Variants in ARL15 observed in about 807,000 individuals in gnomAD.
The protein encoded by ARL15 is ARF like GTPase 15, also known as ADP-ribosylation factor-like protein 15.
ARL15 carries 19 observed loss-of-function variants against 25.2 expected under a neutral mutation model. The observed-to-expected ratio is 0.75, with a 90% CI of 0.53 to 1.10. The LOEUF (loss-of-function observed/expected upper bound fraction) is 1.10. ARL15 is among the 50% of genes least tolerant of loss of function. The pLI, the probability that ARL15 is intolerant of heterozygous loss-of-function variation, is 0.00. For synonymous variants in ARL15, 94 were observed against 86.8 expected (o/e 1.08, Z -0.46); for missense variants, 220 against 246.0 (o/e 0.89, Z 0.71).
chr5:53,899,963 A>C (rs1745011383), intron 4 of ARL15, among the ~76,000 whole-genome samples: 1 of 152,180 alleles, frequency 6.6e-6, no homozygotes, highest in Non-Finnish European at 1.5e-5. Flanking sequence ...AACCACTTCT[A>C]GTACCAAATT....
chr5:54,045,644 G>A (rs903746426), intron 4 of ARL15, among the ~76,000 whole-genome samples: 1 of 151,840 alleles, frequency 6.6e-6, no homozygotes, highest in South Asian at 2.1e-4. Flanking sequence ...ATTTTTGGCT[G>A]TCTAATCTTT....
At chr5:54,242,743 G>C (rs945811031) in intron 1 of ARL15, among the ~76,000 whole-genome samples, 2 of 152,086 alleles carry the variant, frequency 1.3e-5, no homozygotes, top group Non-Finnish European at 2.9e-5. Flanking sequence ...GAATGATGTC[G>C]CTCGTGCCTC....
rs146439054 is a variant in ARL15 at position 54,093,313 on chromosome 5, T to C, written c.462+19889A>G. Reference sequence around the variant, plus strand: ...ATTGAGCCAAATGCCTAGGCCAGGGTGTTCTCTGGATCCTGCTGGGGTCAC... The same window carrying C: ...ATTGAGCCAAATGCCTAGGCCAGGGCGTTCTCTGGATCCTGCTGGGGTCAC... On this transcript the variant is annotated intron_variant, in intron 4 of 4. Transcript: ENST00000504924. 7.7e-3 allele frequency among the ~76,000 whole-genome samples: 1,170 copies of C among 152,224 alleles called. 14 individuals are homozygous for C. Among genetic ancestry groups the C allele is most frequent in the African/African-American group, 0.027 (1,119 of 41,536 alleles).
chr5:54,304,712 T>A (rs1561302356), intron 1 of ARL15, among the ~76,000 whole-genome samples: 1 of 152,238 alleles, frequency 6.6e-6, no homozygotes, highest in Non-Finnish European at 1.5e-5. Context: ...AAGAAAGGAA[T>A]ATTTAATATG....
chr5:54,130,039 G>C (rs1219265530), intron 3 of ARL15, among the ~76,000 whole-genome samples: 1 of 152,126 alleles, frequency 6.6e-6, no homozygotes, highest in Non-Finnish European at 1.5e-5. Context: ...AGGAGTCCAA[G>C]ACCAGCCTGG....
At chr5:54,011,782 G>A (rs1007587530) in intron 4 of ARL15, among the ~76,000 whole-genome samples, 21 of 152,216 alleles carry the variant, frequency 1.4e-4, no homozygotes, top group Non-Finnish European at 2.6e-4. Flanking sequence ...AAACCGAGGC[G>A]GGCGGATCTC....
chr5:54,161,616 TAG>T (rs1400759682), intron 2 of ARL15, among the ~76,000 whole-genome samples: 2 of 152,218 alleles, frequency 1.3e-5, no homozygotes, highest in Admixed American at 1.3e-4. Context: ...TATCTCTTTA[TAG>T]ACTTGGCACA....
intron 4 of ARL15, among the ~76,000 whole-genome samples, chr5:54,052,414 G>A (rs1320301981): frequency 6.6e-6 from 1 of 152,124 alleles, no homozygotes; most frequent in Non-Finnish European, 1.5e-5. Context: ...GCAGAACTAA[G>A]TAACTCTTGA....
intron 1 of ARL15, among the ~76,000 whole-genome samples, chr5:54,233,938 T>A: frequency 6.6e-6 from 1 of 152,170 alleles, no homozygotes; most frequent in Non-Finnish European, 1.5e-5. Flanking sequence ...CTCACTAATT[T>A]TTGTTTTGGA....
intron 4 of ARL15, among the ~76,000 whole-genome samples, chr5:54,067,765 GTGAA>G (rs1440439711): frequency 6.6e-6 from 1 of 152,138 alleles, no homozygotes; most frequent in East Asian, 1.9e-4. Flanking sequence ...TAAATGTTAG[GTGAA>G]TGAATGAACA....
chr5:54,113,297 G>T lies in ARL15; in HGVS notation c.367C>A (p.Leu123Met), dbSNP rs1351922168. 4 of 1,613,962 alleles carry T rather than the reference G, an allele frequency of 2.5e-6. No individual in the cohort carries two copies. Among genetic ancestry groups the T allele is most frequent in the Non-Finnish European group, 3.4e-6 (4 of 1,179,876 alleles). Residue 123 changes from leucine (L) to methionine (M), a missense_variant, in exon 4 of 5, where the codon CTG (leucine) becomes ATG (methionine). Coordinates refer to ENST00000504924, the MANE Select transcript of ARL15 (RefSeq NM_019087.3). ...TGTGGATGCTGAAGAGCTGAGTGCA[G>T]CTCATTTCTAGCAGCTTCTAAATCA... ...EDDLEAARNE[L>M]HSALQHPQLC...
At chr5:54,193,057 C>G (rs117134463) in intron 1 of ARL15, among the ~76,000 whole-genome samples, 1 of 152,184 alleles carries the variant, frequency 6.6e-6, no homozygotes, top group Non-Finnish European at 1.5e-5. Context: ...TCTGCTTCAA[C>G]GTCCTGCTCT....
At chr5:53,982,022 C>T (rs960798612) in intron 4 of ARL15, among the ~76,000 whole-genome samples, 1 of 152,008 alleles carries the variant, frequency 6.6e-6, no homozygotes, top group Non-Finnish European at 1.5e-5. Context: ...GTTTCAAGAG[C>T]GGAATCTTGG....
chr5:53,971,688 A>G (rs1580129877), intron 4 of ARL15, among the ~76,000 whole-genome samples: 1 of 152,298 alleles, frequency 6.6e-6, no homozygotes, highest in South Asian at 2.1e-4. Context: ...CACATCCTAA[A>G]CAACATGCTC....
chr5:53,954,184 G>A (rs1305136957), intron 4 of ARL15, among the ~76,000 whole-genome samples: 1 of 151,582 alleles, frequency 6.6e-6, no homozygotes, highest in African/African-American at 2.4e-5. Context: ...TGGGAAATCA[G>A]TCCTGGCATC....
chr5:54,203,567 TC>T (rs1755779106), intron 1 of ARL15, among the ~76,000 whole-genome samples: 1 of 152,144 alleles, frequency 6.6e-6, no homozygotes, highest in African/African-American at 2.4e-5. Context: ...TGAGAAAATA[TC>T]CAATGACTAA....
intron 4 of ARL15, among the ~76,000 whole-genome samples, chr5:53,982,172 C>CA (rs1234161997): frequency 2.5e-4 from 37 of 145,436 alleles, no homozygotes; most frequent in Non-Finnish European, 4.8e-4. Context: ...TTTAAACATT[C>CA]TTTTTTTTTT....
At chr5:54,303,233 G>A (rs926805993) in intron 1 of ARL15, among the ~76,000 whole-genome samples, 2 of 152,072 alleles carry the variant, frequency 1.3e-5, no homozygotes, top group Non-Finnish European at 2.9e-5. Context: ...CTCTTCAAAA[G>A]AAATGGGGCT....
At chr5:53,888,111 A>G (rs1012036461) in intron 4 of ARL15, among the ~76,000 whole-genome samples, 2 of 152,150 alleles carry the variant, frequency 1.3e-5, no homozygotes, top group African/African-American at 4.8e-5. Flanking sequence ...GAGAATTACA[A>G]GATCCTCATT....
Sources: gnomAD v4.1 joint callset for allele counts (sites outside exome capture counted in the v4.1 genomes callset) on GRCh38, gnomAD v4.1.1 for gene constraint, MANE v1.5 for transcripts, NCBI Gene and HGNC (gene_info 2026-07-23, HGNC 2026-07-21) for gene names.